The following RGS7 variants were observed in gnomAD, a reference collection of about 807,000 sequenced individuals.
The protein encoded by RGS7 is regulator of G protein signaling 7, also known as regulator of G-protein signaling 7.
Under a neutral mutation model 81.1 loss-of-function variants are expected in RGS7, and 27 were observed. The observed-to-expected ratio is 0.33, with a 90% CI of 0.25 to 0.46. The LOEUF (loss-of-function observed/expected upper bound fraction) is 0.46, where lower values mean the gene tolerates loss of function less well. Ranked by LOEUF, RGS7 falls within the 20% of genes least tolerant of loss-of-function variation. RGS7 has a pLI of 1.00. For missense variants in RGS7, 396 were observed against 607.4 expected (o/e 0.65, Z 3.66); for synonymous variants, 208 against 207.7 (o/e 1.00, Z -0.01).
intron 9 of RGS7, among the ~76,000 whole-genome samples, chr1:240,847,437 A>C (rs756500131): frequency 6.6e-6 from 1 of 152,244 alleles, no homozygotes; most frequent in Non-Finnish European, 1.5e-5. Flanking sequence ...CTGCAGTTGC[A>C]TCCCTTGAAC....
intron 2 of RGS7, among the ~76,000 whole-genome samples, chr1:241,259,900 C>A (rs1308610207): frequency 6.6e-6 from 1 of 151,822 alleles, no homozygotes; most frequent in Non-Finnish European, 1.5e-5. Context: ...ACCTTAGTGA[C>A]CATCTAGGCT....
At chr1:240,871,347 G>A (rs541879506) in intron 6 of RGS7, among the ~76,000 whole-genome samples, 1 of 152,162 alleles carries the variant, frequency 6.6e-6, no homozygotes, top group African/African-American at 2.4e-5. Flanking sequence ...TTTGGATAAC[G>A]ACGTCCAGCT....
In RGS7 at chr1:241,239,051, C is replaced by T. The variant is rs1558224652; in HGVS notation, c.78+116648G>A. On this transcript the variant is annotated intron_variant, in intron 2 of 18. Transcript: ENST00000440928. ...TGGTGCGATCTCGGCTCACTGCAACCTCCGCCTCCCGGGTTCAAGCTATTC... is the reference window on the plus strand; with the variant it reads ...TGGTGCGATCTCGGCTCACTGCAACTTCCGCCTCCCGGGTTCAAGCTATTC... 3.3e-5 allele frequency among the ~76,000 whole-genome samples: 5 copies of T among 150,030 alleles called. No individual in the cohort carries two copies. The South Asian group carries it at 1.1e-3, about 32-fold the overall frequency.
In RGS7 at chr1:240,864,579, C is replaced by T. The variant is rs145152317; in HGVS notation, c.609+4008G>A. ...TTGTTCTAAGTCTTGCGTTCCTGCA[C>T]CTAGAGGACAGATCCCACATTCCAG... On this transcript the variant is annotated intron_variant, in intron 9 of 18. Transcript: ENST00000440928. 3.4e-4 allele frequency among the ~76,000 whole-genome samples: 52 copies of T among 152,180 alleles called. No homozygotes were observed. The East Asian group carries it at 9.8e-3, about 29-fold the overall frequency.
At chr1:241,297,485 G>C (rs529710008) in intron 2 of RGS7, among the ~76,000 whole-genome samples, 1 of 152,230 alleles carries the variant, frequency 6.6e-6, no homozygotes, top group East Asian at 1.9e-4. Context: ...GGGATGGGGC[G>C]GGGAAAATCC....
intron 2 of RGS7, among the ~76,000 whole-genome samples, chr1:241,165,810 GA>G (rs902675225): frequency 5.7e-4 from 81 of 141,700 alleles, no homozygotes; most frequent in Middle Eastern, 3.6e-3. Context: ...AACCAGCCCT[GA>G]AAAAAAAAAA....
chr1:241,295,736 C>A (rs1467561286), intron 2 of RGS7, among the ~76,000 whole-genome samples: 1 of 152,118 alleles, frequency 6.6e-6, no homozygotes, highest in African/African-American at 2.4e-5. Context: ...CCGGAGTCGG[C>A]AAATGGCATC....
chr1:240,978,647 G>A (rs560136614), intron 4 of RGS7, among the ~76,000 whole-genome samples: 17 of 152,204 alleles, frequency 1.1e-4, no homozygotes, highest in Non-Finnish European at 1.3e-4. Context: ...AATAATAATC[G>A]AGATGTAGAA....
At chr1:240,803,742 C>T (rs1341400214) in intron 15 of RGS7, among the ~76,000 whole-genome samples, 1 of 151,848 alleles carries the variant, frequency 6.6e-6, no homozygotes, top group Non-Finnish European at 1.5e-5. Context: ...TCTGGTCTAC[C>T]GCAGCTCAGG....
chr1:241,248,022 TGTTAAAA>T (rs892139614), intron 2 of RGS7, among the ~76,000 whole-genome samples: 6 of 152,222 alleles, frequency 3.9e-5, no homozygotes, highest in African/African-American at 1.4e-4. Flanking sequence ...GAGAGAAGAA[TGTTAAAA>T]TGTCCAAATA....
chr1:241,186,685 G>A (rs1409986692), intron 2 of RGS7, among the ~76,000 whole-genome samples: 4 of 151,382 alleles, frequency 2.6e-5, no homozygotes, highest in African/African-American at 4.9e-5. Flanking sequence ...CACTACACCC[G>A]GCTAATTTTT....
At chr1:241,331,257 T>C (rs1355524172) in intron 2 of RGS7, among the ~76,000 whole-genome samples, 2 of 152,154 alleles carry the variant, frequency 1.3e-5, no homozygotes, top group Admixed American at 1.3e-4. Context: ...TGAACTTCAT[T>C]TTGAGGAAGA....
intron 6 of RGS7, among the ~76,000 whole-genome samples, chr1:240,886,851 AAAG>A (rs1211965656): frequency 2.0e-5 from 3 of 152,222 alleles, no homozygotes; most frequent in Non-Finnish European, 4.4e-5. Context: ...ACTAATATGG[AAAG>A]ACACATTCAC....
intron 9 of RGS7, among the ~76,000 whole-genome samples, chr1:240,842,193 TCAGGAA>T (rs1286166632): frequency 7.7e-6 from 1 of 129,824 alleles, no homozygotes; most frequent in African/African-American, 3.1e-5. Flanking sequence ...ATTATGTTTG[TCAGGAA>T]TTTTTTTTTT....
chr1:241,282,798 C>T (rs950567002), intron 2 of RGS7, among the ~76,000 whole-genome samples: 1 of 152,128 alleles, frequency 6.6e-6, no homozygotes, highest in African/African-American at 2.4e-5. Context: ...TTGTCACATG[C>T]TTCTTTTGTA....
At chr1:240,863,344 A>G (rs1456126255) in intron 9 of RGS7, among the ~76,000 whole-genome samples, 2 of 152,072 alleles carry the variant, frequency 1.3e-5, no homozygotes, top group South Asian at 2.1e-4. Context: ...GCGTGGTGGC[A>G]TGCGCCTGTA....
At chr1:241,100,439 T>G (rs1360520311) in intron 2 of RGS7, among the ~76,000 whole-genome samples, 3 of 149,278 alleles carry the variant, frequency 2.0e-5, no homozygotes, top group Admixed American at 6.7e-5. Context: ...AGCTAAGAAA[T>G]CTAATGTTCT....
chr1:240,881,892 G>A (rs563834745), intron 6 of RGS7, among the ~76,000 whole-genome samples: 1 of 151,798 alleles, frequency 6.6e-6, no homozygotes, highest in East Asian at 1.9e-4. Flanking sequence ...GGTGTACTAT[G>A]AACGTTGAAT....
At chr1:241,250,274 G>A (rs1355605725) in intron 2 of RGS7, among the ~76,000 whole-genome samples, 1 of 149,198 alleles carries the variant, frequency 6.7e-6, no homozygotes, top group East Asian at 1.9e-4. Flanking sequence ...AGGAAAGACA[G>A]AGAATTTTAT....
Sources: gnomAD v4.1 joint callset for allele counts (sites outside exome capture counted in the v4.1 genomes callset) on GRCh38, gnomAD v4.1.1 for gene constraint, MANE v1.5 for transcripts, NCBI Gene and HGNC (gene_info 2026-07-23, HGNC 2026-07-21) for gene names.